The following RNF180 variants were observed in gnomAD, a reference collection of about 807,000 sequenced individuals.
RNF180 encodes the protein E3 ubiquitin-protein ligase RNF180.
A neutral mutation model predicts 59.2 loss-of-function variants in RNF180; 38 were observed. The ratio of observed to expected loss-of-function variants is 0.64; its 90% CI spans 0.50 to 0.84. The LOEUF (loss-of-function observed/expected upper bound fraction) is 0.84. Ranked by LOEUF, RNF180 falls within the 40% of genes least tolerant of loss-of-function variation. The probability of loss-of-function intolerance (pLI) is 0.00; values close to 1 mark genes in which losing one functional copy is unlikely to be tolerated. For synonymous variants in RNF180, 262 were observed against 240.3 expected, an observed-to-expected ratio of 1.09 and a Z score of -0.84; for missense variants, 705 against 700.9, an observed-to-expected ratio of 1.01 and a Z score of -0.07.
chr5:64,309,884 A>G (rs1018885417), intron 5 of RNF180, among the ~76,000 whole-genome samples: 1 of 151,624 alleles, frequency 6.6e-6, no homozygotes, highest in Non-Finnish European at 1.5e-5. Context: ...TAATTTTTCC[A>G]TTCATCTTTT....
intron 2 of RNF180, among the ~76,000 whole-genome samples, chr5:64,211,006 T>G (rs1050917304): frequency 6.6e-6 from 1 of 152,028 alleles, no homozygotes; most frequent in Non-Finnish European, 1.5e-5. Flanking sequence ...TTGGGGTGGC[T>G]GATTGGTTGG....
At chr5:64,331,170 G>C (rs978341111) in intron 7 of RNF180, among the ~76,000 whole-genome samples, 1 of 152,242 alleles carries the variant, frequency 6.6e-6, no homozygotes, top group African/African-American at 2.4e-5. Flanking sequence ...GCTGAGGGGA[G>C]CTGAGGGCAG....
At chr5:64,368,009 A>G (rs1435185130) in intron 7 of RNF180, among the ~76,000 whole-genome samples, 1 of 151,744 alleles carries the variant, frequency 6.6e-6, no homozygotes, top group Non-Finnish European at 1.5e-5. Flanking sequence ...GTTTTTTCTC[A>G]AGCTCTAATT....
intron 7 of RNF180, among the ~76,000 whole-genome samples, 192 bp from the exon 8 acceptor site, chr5:64,369,423 C>T (rs1580322807): frequency 6.6e-6 from 1 of 151,398 alleles, no homozygotes; most frequent in South Asian, 2.1e-4. Context: ...AACTAACCTG[C>T]ACATTGTGCA....
chr5:64,192,903 G>GTGTGTGTA (rs1486448173), intron 1 of RNF180, among the ~76,000 whole-genome samples: 15 of 93,862 alleles, frequency 1.6e-4, no homozygotes, highest in African/African-American at 6.2e-4. Context: ...AGTGTGGCAT[G>GTGTGTGTA]TATATATATA....
intron 5 of RNF180, among the ~76,000 whole-genome samples, chr5:64,315,690 C>T (rs769060188): frequency 1.4e-5 from 2 of 144,270 alleles, no homozygotes; most frequent in Non-Finnish European, 3.0e-5. Context: ...GAGCCAAGAT[C>T]GTGCCATTGC....
chr5:64,294,256 C>T (rs1742763646), intron 5 of RNF180, among the ~76,000 whole-genome samples: 1 of 152,148 alleles, frequency 6.6e-6, no homozygotes. Flanking sequence ...TCAAACTTTG[C>T]AAAAGGGTAA....
intron 6 of RNF180, among the ~76,000 whole-genome samples, chr5:64,325,692 T>C (rs1386135908): frequency 6.6e-6 from 1 of 152,224 alleles, no homozygotes; most frequent in African/African-American, 2.4e-5. Context: ...AAGTTCCATT[T>C]GAAGCAGTGC....
At chr5:64,256,678 A>G (rs1435517504) in intron 5 of RNF180, among the ~76,000 whole-genome samples, 1 of 152,054 alleles carries the variant, frequency 6.6e-6, no homozygotes, top group Non-Finnish European at 1.5e-5. Flanking sequence ...TTGACTTGGC[A>G]ATGTGGGCTC....
intron 7 of RNF180, among the ~76,000 whole-genome samples, chr5:64,337,004 GTTTTTT>G (rs926765536): frequency 3.5e-5 from 5 of 143,898 alleles, no homozygotes; most frequent in South Asian, 2.2e-4. Flanking sequence ...TTTTGTTGTT[GTTTTTT>G]TTTTGTTTTT....
At chr5:64,223,041 A>G (rs1027129329) in intron 5 of RNF180, among the ~76,000 whole-genome samples, 5 of 152,226 alleles carry the variant, frequency 3.3e-5, no homozygotes, top group African/African-American at 1.2e-4. Context: ...ACACAGTTTT[A>G]TCATCTTATA....
intron 1 of RNF180, among the ~76,000 whole-genome samples, chr5:64,192,800 T>C (rs947659142): frequency 6.6e-6 from 1 of 151,126 alleles, no homozygotes; most frequent in South Asian, 2.1e-4. Context: ...AAAGAGATAA[T>C]TGCATCCTCA....
intron 5 of RNF180, among the ~76,000 whole-genome samples, chr5:64,286,135 A>AT (rs1236934182): frequency 6.6e-6 from 1 of 152,166 alleles, no homozygotes; most frequent in Non-Finnish European, 1.5e-5. Context: ...TGCCTTAGGA[A>AT]TTTTCTAATC....
intron 7 of RNF180, among the ~76,000 whole-genome samples, chr5:64,343,257 G>T (rs891296781): frequency 6.6e-6 from 1 of 151,836 alleles, no homozygotes. Flanking sequence ...AGATAAAAAG[G>T]TAAAAAACTG....
chr5:64,179,928 CAGTGTGATG>C (rs1256650309), intron 1 of RNF180, among the ~76,000 whole-genome samples: 1 of 152,084 alleles, frequency 6.6e-6, no homozygotes, highest in Non-Finnish European at 1.5e-5. Context: ...TAATTTTTCC[CAGTGTGATG>C]AGTGTGAACG....
rs1452307436 is a variant in RNF180, at chr5:64,372,819, A to G, written c.*3005A>G. ...TCAGTAAATTTTCGAAGAACATTAAAGTTCTACCAATGTAGAAGCATGAGG... is the reference window on the plus strand; with the variant it reads ...TCAGTAAATTTTCGAAGAACATTAAGGTTCTACCAATGTAGAAGCATGAGG... On this transcript the variant is annotated 3_prime_UTR_variant, in exon 8 of 8. Coordinates refer to ENST00000389100, the MANE Select transcript of RNF180 (RefSeq NM_001113561.2). 1 of 151,950 alleles carries G rather than the reference A, an allele frequency of 6.6e-6. No homozygotes were observed. The highest frequency in any genetic ancestry group is 1.5e-5 in the Non-Finnish European group (1 of 67,930). 9.4% of individuals were successfully genotyped at this position (151,950 alleles called of 1,614,324 possible).
In RNF180 at chr5:64,261,870, C is replaced by T. The variant is rs143545633; in HGVS notation, c.1227+44474C>T. On this transcript the variant is annotated intron_variant, in intron 5 of 7. Coordinates refer to ENST00000389100, the MANE Select transcript of RNF180 (RefSeq NM_001113561.2). Reference sequence around the variant, plus strand: ...TCAAAGGCAGGCAGATGAATGAGAACGTTTTATAGTGGAAAAAAGTGAAAG... The same window carrying T: ...TCAAAGGCAGGCAGATGAATGAGAATGTTTTATAGTGGAAAAAAGTGAAAG... Among the ~76,000 whole-genome samples, 514 of 152,124 alleles carry T rather than the reference C, an allele frequency of 3.4e-3. 1 individual carries two copies. Among genetic ancestry groups the T allele is most frequent in the African/African-American group, 0.011 (466 of 41,500 alleles).
chr5:64,269,543 C>A (rs1172514672), intron 5 of RNF180, among the ~76,000 whole-genome samples: 1 of 152,064 alleles, frequency 6.6e-6, no homozygotes, highest in Non-Finnish European at 1.5e-5. Context: ...ATTATTTATT[C>A]CTTTCTATGT....
intron 5 of RNF180, among the ~76,000 whole-genome samples, chr5:64,314,079 T>C (rs535671812): frequency 1.3e-3 from 202 of 152,274 alleles, no homozygotes; most frequent in African/African-American, 4.6e-3. Context: ...TGAAAATACT[T>C]TGCCCCATTC....
Sources: allele counts gnomAD v4.1 joint callset (sites outside exome capture counted in the v4.1 genomes callset), GRCh38; gene constraint gnomAD v4.1.1; transcripts MANE v1.5; gene names NCBI Gene and HGNC (gene_info 2026-07-23, HGNC 2026-07-21).